Variants in PLCZ1 observed in about 807,000 individuals in gnomAD.
PLCZ1 encodes the protein 1-phosphatidylinositol 4,5-bisphosphate phosphodiesterase zeta-1.
PLCZ1 carries 64 observed loss-of-function variants against 76.8 expected under a neutral mutation model. That is an observed-to-expected ratio of 0.83 (90% CI 0.68 to 1.03). PLCZ1 has a LOEUF of 1.03. Ranked by LOEUF, PLCZ1 falls within the 50% of genes least tolerant of loss-of-function variation. PLCZ1 has a pLI of 0.00. For missense variants in PLCZ1, 751 were observed against 713.7 expected, an observed-to-expected ratio of 1.05 and a Z score of -0.60; for synonymous variants, 248 against 230.8, an observed-to-expected ratio of 1.07 and a Z score of -0.68.
At chr12:18,666,258 T>C in the PLCZ1 span, among the ~76,000 whole-genome samples, 1 of 149,996 alleles carries the variant, frequency 6.7e-6, no homozygotes, top group African/African-American at 2.5e-5. Context: ...TTAATTTCAT[T>C]AAATATAAGT....
chr12:18,715,957 C>G lies in PLCZ1; in HGVS notation c.570-2971G>C, dbSNP rs143914931. Among the ~76,000 whole-genome samples, 1,090 of 152,260 alleles carry G rather than the reference C, an allele frequency of 7.2e-3. 13 individuals carry two copies. The highest frequency in any genetic ancestry group is 0.025 in the African/African-American group (1,057 of 41,554). ...TAGAATATTCATAGAGAAATCTTGT[C>G]TGGCCCGTGGATACTCTCTGGGCAA... On this transcript the variant is annotated intron_variant, in intron 5 of 14. Coordinates refer to ENST00000266505, the MANE Select transcript of PLCZ1 (RefSeq NM_033123.4).
chr12:18,693,032 G>A, intron 12 of PLCZ1: 1 of 1,442,798 alleles, frequency 6.9e-7, no homozygotes. Flanking sequence ...AGGAACAAAT[G>A]AAACCATTAG....
At chr12:18,736,463 A>C (rs185800748) in intron 2 of PLCZ1, 119 bp from the exon 3 acceptor site, 1 of 1,237,680 alleles carries the variant, frequency 8.1e-7, no homozygotes, top group East Asian at 2.7e-5. Flanking sequence ...TTTAAAGTAA[A>C]TTATAGTATA....
intron 12 of PLCZ1, among the ~76,000 whole-genome samples, chr12:18,692,058 GA>G (rs1415246593): frequency 6.6e-5 from 10 of 152,160 alleles, no homozygotes; most frequent in African/African-American, 2.2e-4. Flanking sequence ...GCTGAGCCAG[GA>G]AAAGTCGCAG....
At chr12:18,719,293 TA>T in intron 5 of PLCZ1, 137 bp downstream of exon 5, 1 of 460,750 alleles carries the variant, frequency 2.2e-6, no homozygotes, top group Non-Finnish European at 3.7e-6. Flanking sequence ...TATGTACAAG[TA>T]AAAATTTCTA....
At chr12:18,706,577 A>G (rs114094794) in intron 6 of PLCZ1, among the ~76,000 whole-genome samples, 1 of 152,164 alleles carries the variant, frequency 6.6e-6, no homozygotes, top group South Asian at 2.1e-4. Context: ...GCCCTTTCTC[A>G]TTGCTGTAAC....
intron 3 of PLCZ1, among the ~76,000 whole-genome samples, chr12:18,732,437 C>T (rs1181296556): frequency 6.6e-6 from 1 of 152,148 alleles, no homozygotes; most frequent in African/African-American, 2.4e-5. Flanking sequence ...CAGGCATGAG[C>T]CACCACGCCT....
chr12:18,704,605 G>A (rs1470982097), intron 7 of PLCZ1, among the ~76,000 whole-genome samples: 1 of 151,996 alleles, frequency 6.6e-6, no homozygotes, highest in East Asian at 1.9e-4. Context: ...GGGATTACAG[G>A]CATGAGTCAC....
intron 4 of PLCZ1, among the ~76,000 whole-genome samples, chr12:18,722,906 A>G (rs1958528142): frequency 6.6e-6 from 1 of 152,000 alleles, no homozygotes. Context: ...TAATTTTCAT[A>G]GATATTTTCA....
intron 6 of PLCZ1, among the ~76,000 whole-genome samples, chr12:18,711,342 C>T (rs895914771): frequency 2.3e-4 from 28 of 123,468 alleles, no homozygotes; most frequent in African/African-American, 8.0e-4. Context: ...AATGAGAACA[C>T]ATGGACACAG....
At chr12:18,647,972 T>C in the PLCZ1 span, 1 of 1,600,756 alleles carries the variant, frequency 6.2e-7, no homozygotes, top group South Asian at 1.1e-5. Context: ...CATCCGACTC[T>C]GTAGTGTCCC....
At chr12:18,690,263 A>G (rs1430184385) in intron 12 of PLCZ1, among the ~76,000 whole-genome samples, 1 of 152,038 alleles carries the variant, frequency 6.6e-6, no homozygotes, top group Non-Finnish European at 1.5e-5. Flanking sequence ...GGCTCTTGCT[A>G]CCCAAGCTGG....
chr12:18,660,570 C>T, the PLCZ1 span, among the ~76,000 whole-genome samples: 4 of 151,922 alleles, frequency 2.6e-5, no homozygotes, highest in South Asian at 2.1e-4. Context: ...TGTGCATGCC[C>T]GGAGAAAGGT....
the PLCZ1 span, among the ~76,000 whole-genome samples, chr12:18,661,530 T>C: frequency 6.6e-6 from 1 of 152,004 alleles, no homozygotes; most frequent in South Asian, 2.1e-4. Flanking sequence ...AAATAAGGGA[T>C]AAACAAGAAT....
the PLCZ1 span, among the ~76,000 whole-genome samples, chr12:18,669,283 T>C: frequency 6.6e-6 from 1 of 152,202 alleles, no homozygotes; most frequent in African/African-American, 2.4e-5. Flanking sequence ...TCTTAACCAC[T>C]GCACTATATT....
At chr12:18,688,749 G>T (rs889878551) in intron 12 of PLCZ1, among the ~76,000 whole-genome samples, 3 of 151,872 alleles carry the variant, frequency 2.0e-5, no homozygotes, top group Non-Finnish European at 2.9e-5. Flanking sequence ...ACTTGTATTT[G>T]CCAAGCTAAT....
intron 9 of PLCZ1, among the ~76,000 whole-genome samples, chr12:18,700,512 CAAAA>C (rs11324526): frequency 1.6e-4 from 11 of 67,900 alleles, no homozygotes; most frequent in Admixed American, 2.5e-4. Context: ...AGCCAACGTA[CAAAA>C]AAAAAAAAAA....
the PLCZ1 span, among the ~76,000 whole-genome samples, chr12:18,672,173 T>G: frequency 3.3e-5 from 5 of 152,220 alleles, no homozygotes; most frequent in African/African-American, 9.6e-5. Flanking sequence ...CTTTATAGTT[T>G]CTGACATTTC....
chr12:18,650,352 T>C, the PLCZ1 span, among the ~76,000 whole-genome samples: 1 of 89,716 alleles, frequency 1.1e-5, no homozygotes, highest in Non-Finnish European at 2.2e-5. Context: ...TATATATGTG[T>C]GTGTGTGTGT....
Sources: gnomAD v4.1 joint callset for allele counts (sites outside exome capture counted in the v4.1 genomes callset) on GRCh38, gnomAD v4.1.1 for gene constraint, MANE v1.5 for transcripts, NCBI Gene and HGNC (gene_info 2026-07-23, HGNC 2026-07-21) for gene names.